Variants in DAW1 observed in about 807,000 individuals in gnomAD.
DAW1 encodes dynein assembly factor with WD repeats 1.
DAW1 carries 47 observed loss-of-function variants against 56.5 expected under a neutral mutation model. The ratio of observed to expected loss-of-function variants is 0.83; its 90% CI spans 0.66 to 1.06. DAW1 has a LOEUF of 1.06. Ranked by LOEUF, DAW1 falls within the 50% of genes least tolerant of loss-of-function variation. The pLI, the probability that DAW1 is intolerant of heterozygous loss-of-function variation, is 0.00. For missense variants in DAW1, 505 were observed against 499.3 expected (o/e 1.01, Z -0.11); for synonymous variants, 190 against 179.0 (o/e 1.06, Z -0.49).
chr2:227,907,391 G>A (rs923240976), intron 10 of DAW1, 139 bp downstream of exon 10: 18 of 647,716 alleles, frequency 2.8e-5, no homozygotes, highest in African/African-American at 1.3e-4. Flanking sequence ...TCGTGACCAT[G>A]TATGGCACAA....
intron 1 of DAW1, among the ~76,000 whole-genome samples, chr2:227,872,682 G>T (rs1690784492): frequency 6.7e-6 from 1 of 148,994 alleles, no homozygotes; most frequent in African/African-American, 2.5e-5. Flanking sequence ...ATCATTCACT[G>T]CCTCCCCCAC....
At position 227,910,495 on chromosome 2, in the gene DAW1, AACAC is replaced by A. The variant is rs55741229; in HGVS notation, c.973+3270_973+3273del. 2.8e-3 allele frequency among the ~76,000 whole-genome samples: 414 copies of A among 145,354 alleles called. 2 individuals carry two copies. The highest frequency in any genetic ancestry group is 9.7e-3 in the African/African-American group (384 of 39,428). ...TTCTTGATGAATATATTTGTGGATG[AACAC>A]ACACACACACACACACACACACACA... On this transcript the variant is annotated intron_variant, in intron 10 of 12. Transcript: ENST00000309931.
At chr2:227,907,305 A>T in intron 10 of DAW1, 53 bp downstream of exon 10, 1 of 1,409,356 alleles carries the variant, frequency 7.1e-7, no homozygotes, top group African/African-American at 1.4e-5. Context: ...GCTTTGCTTG[A>T]TAACCATGCA....
intron 10 of DAW1, among the ~76,000 whole-genome samples, chr2:227,917,064 T>A (rs1056358876): frequency 2.0e-5 from 3 of 152,158 alleles, no homozygotes; most frequent in African/African-American, 7.2e-5. Flanking sequence ...TGACAACATG[T>A]GACACTAAGC....
At chr2:227,884,111 G>C (rs1422003652) in intron 1 of DAW1, among the ~76,000 whole-genome samples, 5 of 152,148 alleles carry the variant, frequency 3.3e-5, no homozygotes, top group Non-Finnish European at 7.4e-5. Flanking sequence ...CAAGTTCACA[G>C]ATTCTATTCT....
chr2:227,875,738 C>G (rs1690862619), intron 1 of DAW1, among the ~76,000 whole-genome samples: 1 of 152,184 alleles, frequency 6.6e-6, no homozygotes, highest in African/African-American at 2.4e-5. Flanking sequence ...TTGGGGCTAT[C>G]TTAATCCAAC....
chr2:227,907,256 G>C lies in DAW1; in HGVS notation c.973+4G>C. On this transcript the variant is annotated splice_donor_region_variant and intron_variant, in intron 10 of 12. Transcript: ENST00000309931. ...ATTGCAACTGCTTCAGCTGATGGTA[G>C]GTGATCTGTTCATTCTTTTAATTTT... The C allele has an allele frequency of 1.2e-6, 2 of 1,607,802 alleles. No individual in the cohort carries two copies. The highest frequency in any genetic ancestry group is 2.2e-5 in the South Asian group (2 of 90,324).
chr2:227,898,940 T>C (rs1020361406), intron 6 of DAW1, among the ~76,000 whole-genome samples: 24 of 152,332 alleles, frequency 1.6e-4, no homozygotes, highest in African/African-American at 5.8e-4. Context: ...TTTAAAATAA[T>C]TTTTAAACTA....
rs759807434 is a variant in DAW1 at position 227,871,712 on chromosome 2, T to A, written c.23T>A (p.Leu8His). Residue 8 changes from leucine to histidine, a missense_variant, in exon 1 of 13, where the codon CTC becomes CAC. Transcript: ENST00000309931. MKLKSLL[L>H]RYYPPGIMLE... ...AAAATGAAGCTCAAGAGCCTCCTGC[T>A]CCGGTATTACCCGCCAGGTACGCAC... 1.9e-6 allele frequency: 3 copies of A among 1,613,836 alleles called. No homozygotes were observed. The African/African-American group carries it at 4.0e-5, about 22-fold the overall frequency.
At chr2:227,877,564 C>T (rs749523516) in intron 1 of DAW1, among the ~76,000 whole-genome samples, 18 of 152,342 alleles carry the variant, frequency 1.2e-4, no homozygotes, top group Middle Eastern at 3.4e-3. Context: ...TGTTACACAA[C>T]CTTTTTGGCA....
chr2:227,922,680 C>G (rs1692140300), intron 12 of DAW1, among the ~76,000 whole-genome samples: 1 of 152,178 alleles, frequency 6.6e-6, no homozygotes, highest in Non-Finnish European at 1.5e-5. Context: ...AATTATCTCC[C>G]CTTACCACCT....
chr2:227,902,358 G>T (rs1283765848), intron 6 of DAW1, among the ~76,000 whole-genome samples: 1 of 152,102 alleles, frequency 6.6e-6, no homozygotes, highest in Non-Finnish European at 1.5e-5. Context: ...TGCTTCCGGG[G>T]TGTCAGTTGA....
chr2:227,887,031 A>G (rs1691148460), intron 2 of DAW1, among the ~76,000 whole-genome samples: 2 of 152,108 alleles, frequency 1.3e-5, no homozygotes, highest in Admixed American at 1.3e-4. Flanking sequence ...CTGATGAGAG[A>G]GGGGCTCTCT....
intron 1 of DAW1, 137 bp downstream of exon 1, chr2:227,871,866 A>T (rs1377356842): frequency 1.9e-6 from 2 of 1,034,300 alleles, no homozygotes; most frequent in Non-Finnish European, 2.9e-6. Flanking sequence ...GCACTTCCCA[A>T]CCTGTGCCCC....
At chr2:227,898,939 A>G (rs60531468) in intron 6 of DAW1, among the ~76,000 whole-genome samples, 1 of 152,188 alleles carries the variant, frequency 6.6e-6, no homozygotes, top group Non-Finnish European at 1.5e-5. Flanking sequence ...TTTTAAAATA[A>G]TTTTTAAACT....
intron 11 of DAW1, among the ~76,000 whole-genome samples, chr2:227,920,657 T>C (rs111226497): frequency 1.3e-5 from 2 of 151,898 alleles, no homozygotes; most frequent in African/African-American, 2.4e-5. Flanking sequence ...TTTTAAAAAA[T>C]TTTTATTTAT....
intron 10 of DAW1, chr2:227,912,146 T>C (rs1691840420): frequency 2.7e-6 from 1 of 364,108 alleles, no homozygotes; most frequent in African/African-American, 2.1e-5. Flanking sequence ...CATTGTCTTT[T>C]CTGGAACCAA....
chr2:227,904,116 G>A (rs968629764), intron 7 of DAW1, among the ~76,000 whole-genome samples: 3 of 152,002 alleles, frequency 2.0e-5, no homozygotes, highest in Non-Finnish European at 4.4e-5. Context: ...AATGGGAGGG[G>A]TCCTGCTTGG....
intron 1 of DAW1, chr2:227,872,035 T>A (rs923392772): frequency 3.2e-5 from 13 of 401,734 alleles, no homozygotes; most frequent in Non-Finnish European, 4.9e-5. Context: ...TTTAAAGAAG[T>A]TCATAGTGCT....
Sources: gnomAD v4.1 joint callset for allele counts (sites outside exome capture counted in the v4.1 genomes callset) on GRCh38, gnomAD v4.1.1 for gene constraint, MANE v1.5 for transcripts, NCBI Gene and HGNC (gene_info 2026-07-23, HGNC 2026-07-21) for gene names.